The following EFHB variants were observed in gnomAD, a reference collection of about 807,000 sequenced individuals.
The protein encoded by EFHB is EF-hand domain family member B.
Under a neutral mutation model 87.2 loss-of-function variants are expected in EFHB, and 91 were observed. The ratio of observed to expected loss-of-function variants is 1.04; its 90% CI spans 0.88 to 1.24. EFHB has a LOEUF of 1.24. Ranked by LOEUF, EFHB falls within the 50% of genes most tolerant of loss-of-function variation. The pLI is 0.00. For synonymous variants in EFHB, 325 were observed against 333.6 expected (o/e 0.97, Z 0.28); for missense variants, 1,084 against 998.8 (o/e 1.09, Z -1.15).
At position 19,893,005 on chromosome 3, in the gene EFHB, G is replaced by A. The variant is rs142153736; in HGVS notation, c.1725+3682C>T. ...CTCGCTTTGTTGCCCAGGCTAGAGC[G>A]CAGTGGTGTGATCTCAGCTCACTGC... is the stretch of plus-strand genomic sequence containing the variant. On this transcript the variant is annotated intron_variant, in intron 9 of 12. Coordinates refer to ENST00000295824, the MANE Select transcript of EFHB (RefSeq NM_144715.4). Among the ~76,000 whole-genome samples, 898 of 150,096 alleles carry A rather than the reference G, an allele frequency of 6.0e-3. 9 individuals carry two copies. Among genetic ancestry groups the A allele is most frequent in the African/African-American group, 0.02 (833 of 40,742 alleles).
intron 1 of EFHB, among the ~76,000 whole-genome samples, chr3:19,943,965 C>T (rs1227494216): frequency 6.6e-6 from 1 of 152,196 alleles, no homozygotes; most frequent in African/African-American, 2.4e-5. Context: ...TGTAACAAAG[C>T]ATTTAGAATT....
At chr3:19,907,007 C>T (rs1315801983) in intron 5 of EFHB, among the ~76,000 whole-genome samples, 4 of 149,744 alleles carry the variant, frequency 2.7e-5, no homozygotes, top group African/African-American at 7.5e-5. Context: ...CTGATTTCCA[C>T]ATGCAACACC....
At chr3:19,922,164 T>C (rs1402104721) in intron 1 of EFHB, among the ~76,000 whole-genome samples, 3 of 151,936 alleles carry the variant, frequency 2.0e-5, no homozygotes, top group Non-Finnish European at 4.4e-5. Context: ...AAACTCCATC[T>C]CAAAAAAAGA....
chr3:19,887,996 A>T (rs1694164638), intron 10 of EFHB, among the ~76,000 whole-genome samples: 1 of 152,178 alleles, frequency 6.6e-6, no homozygotes, highest in African/African-American at 2.4e-5. Context: ...AACTCAAAAG[A>T]TACAAAAATA....
chr3:19,932,771 A>G (rs759370618), intron 1 of EFHB, among the ~76,000 whole-genome samples: 1 of 152,196 alleles, frequency 6.6e-6, no homozygotes. Flanking sequence ...AGAGGTAGGG[A>G]CCATGTACTT....
At position 19,884,607 on chromosome 3, in the gene EFHB, G is replaced by A. The variant is rs143125246; in HGVS notation, c.1942C>T (p.Pro648Ser). ...GCCTCAGTAGGGTTTACACAATCTG[G>A]TTTTCTACCTTTAAGGAAAATAAAT... Reference protein sequence around the residue: ...EERVIIKGRKPDCVNPTEANV... With the variant: ...EERVIIKGRKSDCVNPTEANV... Residue 648 changes from proline to serine, a missense_variant, in exon 11 of 13, where the codon CCA becomes TCA. Coordinates refer to ENST00000295824, the MANE Select transcript of EFHB (RefSeq NM_144715.4). The A allele has an allele frequency of 4.3e-5, 70 of 1,611,544 alleles. No individual in the cohort carries two copies. The African/African-American group carries it at 8.7e-4, about 20-fold the overall frequency.
At chr3:19,936,679 C>A (rs897110076), upstream of EFHB, among the ~76,000 whole-genome samples, 1 of 152,032 alleles carries the variant, frequency 6.6e-6, no homozygotes, top group East Asian at 1.9e-4. Flanking sequence ...ACCAGCCTGA[C>A]CAACATGGTG....
rs759940580 is a variant in EFHB at position 19,918,256 on chromosome 3, T to A, written c.1153A>T (p.Thr385Ser). The change falls in exon 4 of 13, where the codon ACA becomes TCA. Residue 385 changes from threonine (T) to serine (S), a missense_variant. Physicochemically the swap from Thr to Ser is moderately conservative, Grantham distance 58. Transcript: ENST00000295824. ...LPKGMDTTNTTFGTAVIKEYS... is the reference protein window; with the variant it reads ...LPKGMDTTNTSFGTAVIKEYS... ...CCTTTGATGACTGCTGTCCCAAATGTCGTATTGGTTGTGTCCATGCCTTTT... is the reference window on the plus strand; with the variant it reads ...CCTTTGATGACTGCTGTCCCAAATGACGTATTGGTTGTGTCCATGCCTTTT... 8.1e-6 allele frequency: 13 copies of A among 1,606,512 alleles called. No homozygotes were observed. In the African/African-American group the frequency reaches 1.3e-4, roughly 17 times the overall value.
chr3:19,895,960 G>A (rs1400991997), intron 9 of EFHB, among the ~76,000 whole-genome samples: 2 of 152,188 alleles, frequency 1.3e-5, no homozygotes, highest in Admixed American at 1.3e-4. Flanking sequence ...TGTAGCCCTA[G>A]ATTGATCTGA....
intron 9 of EFHB, among the ~76,000 whole-genome samples, chr3:19,891,349 C>T (rs1694299492): frequency 6.6e-6 from 1 of 151,392 alleles, no homozygotes. Context: ...AGCCACCACA[C>T]TCAGCTGAGA....
chr3:19,919,978 T>TA lies in EFHB; in HGVS notation c.853-3dup. 1 of 1,613,546 alleles carries TA rather than the reference T, an allele frequency of 6.2e-7. No homozygotes were observed. The highest frequency in any genetic ancestry group is 8.5e-7 in the Non-Finnish European group (1 of 1,179,664). On this transcript the variant is annotated splice_polypyrimidine_tract_variant and splice_region_variant and intron_variant, in intron 2 of 12. Transcript: ENST00000295824. ...TTTTGCTTCAGGTGGAGTAATTAGC[T>TA]ACAAAGAGTGAGGCAAGAAAATAGT...
intron 1 of EFHB, chr3:19,942,285 A>AC (rs1696177528): frequency 6.5e-6 from 1 of 153,182 alleles, no homozygotes; most frequent in Non-Finnish European, 1.5e-5. Flanking sequence ...AATTCTCAGT[A>AC]CATTGAGATA....
chr3:19,891,085 G>GCTGCTGCTT (rs376240188), intron 9 of EFHB, among the ~76,000 whole-genome samples: 1 of 151,258 alleles, frequency 6.6e-6, no homozygotes, highest in African/African-American at 2.4e-5. Flanking sequence ...TGCTGCTGCT[G>GCTGCTGCTT]AGACAGGCTA....
At chr3:19,902,970 A>G (rs915819544) in intron 6 of EFHB, among the ~76,000 whole-genome samples, 1 of 152,024 alleles carries the variant, frequency 6.6e-6, no homozygotes, top group Admixed American at 6.6e-5. Flanking sequence ...TGAGGTCATG[A>G]GTTCAAGACC....
chr3:19,899,369 A>G, intron 7 of EFHB, 63 bp downstream of exon 7: 2 of 1,223,280 alleles, frequency 1.6e-6, no homozygotes, highest in African/African-American at 1.5e-5. Flanking sequence ...AACAGTTACC[A>G]CAAGAGTATT....
At chr3:19,880,732 T>G (rs2071653852) in intron 12 of EFHB, among the ~76,000 whole-genome samples, 1 of 152,156 alleles carries the variant, frequency 6.6e-6, no homozygotes, top group Non-Finnish European at 1.5e-5. Context: ...GTGATAATTA[T>G]TAAAACAGAT....
chr3:19,915,425 A>G lies in EFHB; in HGVS notation c.1178-12T>C, dbSNP rs756169185. On this transcript the variant is annotated splice_polypyrimidine_tract_variant and intron_variant, in intron 4 of 12. Coordinates refer to ENST00000295824, the MANE Select transcript of EFHB (RefSeq NM_144715.4). ...TTTAGCAGAGTATTCTGAAGGAAGA[A>G]TTAATAAAATCAGTTCCAAGTCACT... is the stretch of plus-strand genomic sequence containing the variant. The G allele has an allele frequency of 1.3e-6, 2 of 1,563,178 alleles. No homozygotes were observed. Among genetic ancestry groups the G allele is most frequent in the East Asian group, 4.5e-5 (2 of 44,488 alleles).
In EFHB at chr3:19,941,305, A is replaced by G. The variant is rs138440874; in HGVS notation, c.-31-4971T>C. ...GCATGTGTAAGAGGTATAGACATTG[A>G]TTCATTCATAGAGAAAATGGATCTC... On this transcript the variant is annotated intron_variant, in intron 1 of 14. Transcript: ENST00000344838. 2.8e-3 allele frequency: 620 copies of G among 217,966 alleles called. 3 individuals carry two copies. The highest frequency in any genetic ancestry group is 7.9e-3 in the Middle Eastern group (4 of 506). The allele number at this position is 217,966 out of a possible 1,614,324, so 13.5% of individuals were successfully genotyped here. A position where few individuals can be genotyped will look rare whatever the true frequency, so the allele number is the denominator to read the frequency against.
chr3:19,915,960 A>T (rs539648742), intron 4 of EFHB, among the ~76,000 whole-genome samples: 26 of 152,220 alleles, frequency 1.7e-4, no homozygotes, highest in Middle Eastern at 3.4e-3. Context: ...CCTGGGCAAC[A>T]GAGCGAAACT....
Sources: allele counts gnomAD v4.1 joint callset (sites outside exome capture counted in the v4.1 genomes callset), GRCh38; gene constraint gnomAD v4.1.1; transcripts MANE v1.5; gene names NCBI Gene and HGNC (gene_info 2026-07-23, HGNC 2026-07-21).